KMT2C: variants seen among roughly 807,000 people sequenced by gnomAD.
KMT2C encodes the protein histone-lysine N-methyltransferase 2C.
A neutral mutation model predicts 507.9 loss-of-function variants in KMT2C; 88 were observed. The observed-to-expected ratio is 0.17, with a 90% confidence interval of 0.15 to 0.21. KMT2C has a LOEUF of 0.21. Ranked by LOEUF, KMT2C falls within the 10% of genes least tolerant of loss-of-function variation. The pLI is 1.00. For missense variants in KMT2C, 4,954 were observed against 5,957.8 expected (o/e 0.83, Z 5.55); for synonymous variants, 2,049 against 2,080.8 (o/e 0.98, Z 0.42).
At chr7:152,343,746 G>A (rs971065848) in intron 2 of KMT2C, among the ~76,000 whole-genome samples, 1 of 151,944 alleles carries the variant, frequency 6.6e-6, no homozygotes, top group Admixed American at 6.6e-5. Context: ...AAGAAAAGAG[G>A]GAATGAAATA....
Position 152,149,107 on chromosome 7 carries a change from A to G in KMT2C, c.12820T>C (p.Ser4274Pro), listed in dbSNP as rs1426088340. 6.7e-7 allele frequency: 1 copy of G among 1,497,748 alleles called. No individual in the cohort carries two copies. Among genetic ancestry groups the G allele is most frequent in the Admixed American group, 2.4e-5 (1 of 42,024 alleles). 92.8% of individuals were successfully genotyped at this position (1,497,748 alleles called of 1,614,324 possible). A position where few individuals can be genotyped will look rare whatever the true frequency, so the allele number is the denominator to read the frequency against. ...TTGCTGTACTGATGAAATGCTTTGG[A>G]AGGCGTTTCTCTCATAGGTGATTGT... is the stretch of plus-strand genomic sequence containing the variant. ...LPQSPMRETP[S>P]KAFHQYSNNI... Residue 4274 changes from serine (S) to proline (P), a missense_variant, in exon 52 of 59, where the codon TCC (serine) becomes CCC (proline). By Grantham distance (74) the Ser-to-Pro change is moderately conservative. Coordinates refer to ENST00000262189, the MANE Select transcript of KMT2C (RefSeq NM_170606.3).
At chr7:152,153,919 CTGTT>C in intron 48 of KMT2C, 87 bp downstream of exon 48, 1 of 1,269,288 alleles carries the variant, frequency 7.9e-7, no homozygotes, top group Non-Finnish European at 1.1e-6. Context: ...CTCAGTGATC[CTGTT>C]TGTGTGTGTT....
rs2090954692 is a variant in KMT2C at position 152,144,958 on chromosome 7, G to T, written c.14175-77C>A. The T allele has an allele frequency of 1.4e-6, 2 of 1,459,528 alleles. No individual in the cohort carries two copies. Among genetic ancestry groups the T allele is most frequent in the East Asian group, 4.8e-5 (2 of 41,722 alleles). The allele number at this position is 1,459,528 out of a possible 1,614,324, so 90.4% of individuals were successfully genotyped here. On this transcript the variant is annotated intron_variant, in intron 54 of 58. Transcript: ENST00000262189. The surrounding 1 kb of genome is among the most constrained non-coding windows in gnomAD (Gnocchi z 4.4). ...ACCTCTGAGTAATGCCCAAAACCAG[G>T]TTAATTCAGATTCTTACTGACAGAA...
At chr7:152,365,663 G>A (rs1426765528) in intron 1 of KMT2C, among the ~76,000 whole-genome samples, 1 of 152,182 alleles carries the variant, frequency 6.6e-6, no homozygotes, top group Non-Finnish European at 1.5e-5. Flanking sequence ...TGGGATTACA[G>A]GCATTAGCCT....
At chr7:152,142,462 G>A (rs1343303126) in intron 55 of KMT2C, among the ~76,000 whole-genome samples, 1 of 152,152 alleles carries the variant, frequency 6.6e-6, no homozygotes, top group African/African-American at 2.4e-5. Context: ...GCTACAAATG[G>A]GAAACAAGAA....
At chr7:152,189,794 A>T (rs552898872) in intron 31 of KMT2C, among the ~76,000 whole-genome samples, 2 of 152,274 alleles carry the variant, frequency 1.3e-5, no homozygotes, top group East Asian at 3.9e-4. Flanking sequence ...TACTCCAAGG[A>T]TTAAAGGGCA....
In KMT2C at chr7:152,151,429, A is replaced by G; in HGVS notation, c.12666+13T>C. 2 of 1,613,472 alleles carry G rather than the reference A, an allele frequency of 1.2e-6. No homozygotes were observed. The highest frequency in any genetic ancestry group is 1.7e-6 in the Non-Finnish European group (2 of 1,179,632). On this transcript the variant is annotated intron_variant, in intron 50 of 58. Coordinates refer to ENST00000262189, the MANE Select transcript of KMT2C (RefSeq NM_170606.3). ...AGGTAGGAGGTGGGGTCATAAAAGG[A>G]GTAGCAAAGTACCTTGTTCAAAAGG...
chr7:152,200,388 A>G (rs1466252108), intron 26 of KMT2C, among the ~76,000 whole-genome samples: 1 of 152,246 alleles, frequency 6.6e-6, no homozygotes, highest in African/African-American at 2.4e-5. Context: ...AAAAAGCCCT[A>G]AAATACATTA....
chr7:152,194,918 AAT>A (rs769612341), intron 28 of KMT2C, among the ~76,000 whole-genome samples: 209 of 152,284 alleles, frequency 1.4e-3, no homozygotes, highest in East Asian at 9.7e-4. Context: ...TAATTTGGAA[AAT>A]AGTGTTATCA....
chr7:152,282,492 A>C (rs1372585134), intron 6 of KMT2C, among the ~76,000 whole-genome samples: 1 of 152,246 alleles, frequency 6.6e-6, no homozygotes, highest in African/African-American at 2.4e-5. Context: ...ACAGAATACT[A>C]TACATCAATG....
At chr7:152,365,423 T>G (rs2097234284) in intron 1 of KMT2C, among the ~76,000 whole-genome samples, 1 of 152,186 alleles carries the variant, frequency 6.6e-6, no homozygotes. Flanking sequence ...GCAGAATTGC[T>G]CCAACTAGGG....
chr7:152,240,105 C>T (rs1329726500), intron 14 of KMT2C, among the ~76,000 whole-genome samples: 1 of 152,138 alleles, frequency 6.6e-6, no homozygotes, highest in African/African-American at 2.4e-5. Context: ...CCAGGATTAC[C>T]GTTAGGTGTT....
At position 152,205,134 on chromosome 7, in the gene KMT2C, A is replaced by C. The variant is rs1170386908; in HGVS notation, c.3933T>G (p.Ile1311Met). ...CATCTCTGCAAGGTAACTGCTCGGA[A>C]ATAGAGCCTGAGGAATCTTTTCTGA... ...SVIRKDSSGS[I>M]SEQLPCRDDG... The change falls in exon 25 of 59, where the codon ATT (isoleucine) becomes ATG (methionine). Residue 1311 changes from isoleucine (I) to methionine (M), a missense_variant. Coordinates refer to ENST00000262189, the MANE Select transcript of KMT2C (RefSeq NM_170606.3). 1.7e-5 allele frequency: 28 copies of C among 1,613,192 alleles called. No homozygotes were observed. Among genetic ancestry groups the C allele is most frequent in the Non-Finnish European group, 2.3e-5 (27 of 1,179,516 alleles).
chr7:152,366,034 T>C (rs779405829), intron 1 of KMT2C, among the ~76,000 whole-genome samples: 14 of 151,936 alleles, frequency 9.2e-5, no homozygotes, highest in Non-Finnish European at 1.3e-4. Flanking sequence ...AAATCAAAAC[T>C]AAGATATACC....
chr7:152,262,963 C>T (rs2095804645), intron 9 of KMT2C, 53 bp downstream of exon 9: 1 of 1,354,872 alleles, frequency 7.4e-7, no homozygotes, highest in South Asian at 1.3e-5. Context: ...TTTGTCTGGT[C>T]TCCATATAAA....
At chr7:152,342,320 T>C (rs1000697556) in intron 2 of KMT2C, among the ~76,000 whole-genome samples, 23 of 151,284 alleles carry the variant, frequency 1.5e-4, no homozygotes, top group Non-Finnish European at 3.1e-4. Flanking sequence ...GTTTTACTAT[T>C]TTAATAAGAA....
chr7:152,158,511 GTTT>G (rs566073420), intron 44 of KMT2C, among the ~76,000 whole-genome samples: 4 of 128,164 alleles, frequency 3.1e-5, no homozygotes, highest in Non-Finnish European at 5.0e-5. Context: ...TGAATTGTTT[GTTT>G]TTTTTTTGTT....
At chr7:152,238,656 A>C in intron 15 of KMT2C, 51 bp downstream of exon 15, 1 of 1,560,104 alleles carries the variant, frequency 6.4e-7, no homozygotes. Context: ...CCAGTAGGGC[A>C]AAACAAATCA....
At chr7:152,419,248 G>A (rs889871357) in intron 1 of KMT2C, among the ~76,000 whole-genome samples, 1 of 152,048 alleles carries the variant, frequency 6.6e-6, no homozygotes, top group Non-Finnish European at 1.5e-5. Flanking sequence ...CTACTCAGGA[G>A]GCTGAGGCAG....
Sources: allele counts gnomAD v4.1 joint callset (sites outside exome capture counted in the v4.1 genomes callset), GRCh38; gene constraint gnomAD v4.1.1; non-coding constraint Gnocchi (gnomAD v3.1); transcripts MANE v1.5; gene names NCBI Gene and HGNC (gene_info 2026-07-23, HGNC 2026-07-21).